ELAPOR2: variants seen among roughly 807,000 people sequenced by gnomAD.
The protein encoded by ELAPOR2 is endosome/lysosome-associated apoptosis and autophagy regulator family member 2.
ELAPOR2 carries 89 observed loss-of-function variants against 120.7 expected under a neutral mutation model. The observed-to-expected ratio is 0.74, with a 90% CI of 0.62 to 0.88. The LOEUF (loss-of-function observed/expected upper bound fraction) is 0.88. ELAPOR2 is among the 40% of genes least tolerant of loss of function. The pLI is 0.00. For synonymous variants in ELAPOR2, 444 were observed against 444.9 expected, an observed-to-expected ratio of 1.00 and a Z score of 0.03; for missense variants, 1,134 against 1,251.6, an observed-to-expected ratio of 0.91 and a Z score of 1.42.
chr7:87,010,451 GA>G (rs1242857735), intron 1 of ELAPOR2, among the ~76,000 whole-genome samples: 2 of 152,150 alleles, frequency 1.3e-5, no homozygotes, highest in East Asian at 3.9e-4. Flanking sequence ...TAGCATTTCA[GA>G]AAAAAACAAT....
At chr7:86,936,913 C>T (rs1193805285) in intron 8 of ELAPOR2, among the ~76,000 whole-genome samples, 2 of 152,134 alleles carry the variant, frequency 1.3e-5, no homozygotes, top group African/African-American at 4.8e-5. Flanking sequence ...CCCTCAGTAA[C>T]GATGAACTGA....
chr7:87,001,793 T>C (rs1009497218), intron 1 of ELAPOR2, among the ~76,000 whole-genome samples: 2 of 151,980 alleles, frequency 1.3e-5, no homozygotes, highest in African/African-American at 4.8e-5. Context: ...AAAGAAGAAA[T>C]GTATAGCCAA....
At chr7:87,040,703 C>T (rs1002499746) in intron 1 of ELAPOR2, among the ~76,000 whole-genome samples, 5 of 152,200 alleles carry the variant, frequency 3.3e-5, no homozygotes, top group African/African-American at 9.6e-5. Flanking sequence ...AAAAGCAGAG[C>T]GCCTCTCCTC....
intron 1 of ELAPOR2, among the ~76,000 whole-genome samples, chr7:87,002,271 G>T (rs1793342138): frequency 6.6e-6 from 1 of 152,158 alleles, no homozygotes; most frequent in Non-Finnish European, 1.5e-5. Flanking sequence ...GAGGAGGGGA[G>T]AAAGTGGCCT....
intron 1 of ELAPOR2, among the ~76,000 whole-genome samples, chr7:86,984,680 A>G (rs754513160): frequency 1.3e-5 from 2 of 152,208 alleles, no homozygotes; most frequent in Non-Finnish European, 2.9e-5. Context: ...GGACACATTT[A>G]AAGCAGTGCG....
At chr7:86,940,336 A>G (rs997054769) in intron 5 of ELAPOR2, among the ~76,000 whole-genome samples, 10 of 152,098 alleles carry the variant, frequency 6.6e-5, no homozygotes, top group Non-Finnish European at 1.5e-4. Context: ...TTAAACAGAA[A>G]AGAAGAAGAA....
At chr7:87,040,327 C>T (rs970269083) in intron 1 of ELAPOR2, among the ~76,000 whole-genome samples, 4 of 152,234 alleles carry the variant, frequency 2.6e-5, no homozygotes, top group African/African-American at 9.6e-5. Context: ...AGGGCACAGA[C>T]AAACAAAAAG....
At chr7:86,916,913 A>C (rs1472718095) in intron 12 of ELAPOR2, among the ~76,000 whole-genome samples, 2 of 151,654 alleles carry the variant, frequency 1.3e-5, no homozygotes. Flanking sequence ...CAAGTAGCTC[A>C]AAGTAGCTAG....
At chr7:86,985,569 AAC>A (rs1792697033) in intron 1 of ELAPOR2, among the ~76,000 whole-genome samples, 1 of 152,218 alleles carries the variant, frequency 6.6e-6, no homozygotes, top group Non-Finnish European at 1.5e-5. Flanking sequence ...CCATCACATA[AAC>A]AGAACCATCG....
chr7:86,943,749 G>GA (rs1790893357), intron 4 of ELAPOR2, among the ~76,000 whole-genome samples: 1 of 151,910 alleles, frequency 6.6e-6, no homozygotes, highest in African/African-American at 2.4e-5. Context: ...ATGAAACAGG[G>GA]AATTGTTCAC....
At chr7:86,936,916 T>C (rs1215935294) in intron 8 of ELAPOR2, among the ~76,000 whole-genome samples, 1 of 152,100 alleles carries the variant, frequency 6.6e-6, no homozygotes, top group African/African-American at 2.4e-5. Context: ...TCAGTAACGA[T>C]GAACTGATTA....
At chr7:87,044,624 T>G (rs547177339) in intron 1 of ELAPOR2, among the ~76,000 whole-genome samples, 92 of 151,840 alleles carry the variant, frequency 6.1e-4, no homozygotes, top group Non-Finnish European at 1.0e-3. Flanking sequence ...GATTAAAGAC[T>G]TAAATGTTGG....
intron 1 of ELAPOR2, among the ~76,000 whole-genome samples, chr7:87,001,689 G>A (rs1042744804): frequency 6.6e-6 from 1 of 152,048 alleles, no homozygotes; most frequent in Non-Finnish European, 1.5e-5. Flanking sequence ...AGAATCTACA[G>A]CTTCTCTTCC....
intron 12 of ELAPOR2, among the ~76,000 whole-genome samples, chr7:86,915,124 T>G (rs114506565): frequency 0.013 from 1,922 of 151,746 alleles, 25 homozygotes; most frequent in African/African-American, 0.036. Context: ...AGGGTTGGGG[T>G]TTTTTTTGTT....
chr7:87,016,945 C>A (rs1464962410), intron 1 of ELAPOR2, among the ~76,000 whole-genome samples: 1 of 151,958 alleles, frequency 6.6e-6, no homozygotes, highest in East Asian at 1.9e-4. Flanking sequence ...AACTTTCCAA[C>A]AAGAATAAAG....
At chr7:86,993,234 C>CAAAAAAAAAAAAAAAAA (rs1159917841) in intron 1 of ELAPOR2, among the ~76,000 whole-genome samples, 7 of 57,090 alleles carry the variant, frequency 1.2e-4, no homozygotes, top group African/African-American at 2.3e-4. Context: ...GACTCCATCT[C>CAAAAAAAAAAAAAAAAA]AAAAAAAAAA....
intron 17 of ELAPOR2, 113 bp from the exon 18 acceptor site, chr7:86,907,884 A>G: frequency 2.0e-6 from 1 of 509,838 alleles, no homozygotes; most frequent in Non-Finnish European, 3.3e-6. Flanking sequence ...AGAAAAATGT[A>G]TTAAAGTTCA....
intron 1 of ELAPOR2, among the ~76,000 whole-genome samples, chr7:87,035,966 CCAAGTATT>C (rs1203626544): frequency 6.6e-6 from 1 of 152,100 alleles, no homozygotes; most frequent in Non-Finnish European, 1.5e-5. Flanking sequence ...GTCTCAAAAC[CCAAGTATT>C]ATTTAAAATG....
chr7:87,047,626 A>G (rs1032701264), intron 1 of ELAPOR2, among the ~76,000 whole-genome samples: 1 of 152,218 alleles, frequency 6.6e-6, no homozygotes, highest in Non-Finnish European at 1.5e-5. Flanking sequence ...AAACTACAAT[A>G]TCATCTCACC....
Sources: allele counts gnomAD v4.1 joint callset (sites outside exome capture counted in the v4.1 genomes callset), GRCh38; gene constraint gnomAD v4.1.1; transcripts MANE v1.5; gene names NCBI Gene and HGNC (gene_info 2026-07-23, HGNC 2026-07-21).